Variants in FSTL5 observed in about 807,000 individuals in gnomAD.
FSTL5 encodes the protein follistatin like 5, also known as follistatin-related protein 5.
FSTL5 carries 62 observed loss-of-function variants against 89.1 expected under a neutral mutation model. The observed-to-expected ratio is 0.70, with a 90% confidence interval of 0.57 to 0.86. The LOEUF (loss-of-function observed/expected upper bound fraction) is 0.86, where lower values mean the gene tolerates loss of function less well. Among genes scored for constraint, FSTL5 ranks in the 40% least tolerant of loss-of-function variants. FSTL5 has a pLI of 0.00. For synonymous variants in FSTL5, 383 were observed against 346.2 expected, an observed-to-expected ratio of 1.11 and a Z score of -1.18; for missense variants, 1,057 against 1,001.6, an observed-to-expected ratio of 1.06 and a Z score of -0.75.
chr4:161,905,460 G>A (rs1733495523), intron 4 of FSTL5, among the ~76,000 whole-genome samples: 1 of 152,060 alleles, frequency 6.6e-6, no homozygotes, highest in African/African-American at 2.4e-5. Flanking sequence ...CTGATGACGA[G>A]CCACTTTTTA....
intron 2 of FSTL5, among the ~76,000 whole-genome samples, chr4:162,061,314 T>C (rs1011067871): frequency 6.6e-6 from 1 of 152,162 alleles, no homozygotes; most frequent in Non-Finnish European, 1.5e-5. Context: ...AAGGGAATGC[T>C]GAATCTAAAG....
At chr4:161,707,084 A>G (rs935381672) in intron 6 of FSTL5, among the ~76,000 whole-genome samples, 1 of 151,970 alleles carries the variant, frequency 6.6e-6, no homozygotes, top group Non-Finnish European at 1.5e-5. Context: ...TATTTCAGAA[A>G]AAAATCTAAA....
At chr4:161,646,094 AT>A (rs1186616201) in intron 7 of FSTL5, among the ~76,000 whole-genome samples, 2 of 149,812 alleles carry the variant, frequency 1.3e-5, no homozygotes, top group Non-Finnish European at 3.0e-5. Flanking sequence ...TATCAATGAT[AT>A]ACAATTTGGG....
Position 161,510,404 on chromosome 4 carries a change from C to T in FSTL5, c.1333G>A (p.Glu445Lys). Residue 445 changes from glutamate (E) to lysine (K), a missense_variant, in exon 11 of 16, where the codon GAA becomes AAA. Physicochemically the swap from Glu to Lys is moderately conservative, Grantham distance 56. Coordinates refer to ENST00000306100, the MANE Select transcript of FSTL5 (RefSeq NM_020116.5). ...RKTLANILWR[E>K]EGLGIGNMFY... ...AAATAATTCAACTTAGTACCTTCTTCTCTCCATAATATGTTAGCTACTGCA... is the reference window on the plus strand; with the variant it reads ...AAATAATTCAACTTAGTACCTTCTTTTCTCCATAATATGTTAGCTACTGCA... 1 of 1,534,708 alleles carries T rather than the reference C, an allele frequency of 6.5e-7. No homozygotes were observed. Among genetic ancestry groups the T allele is most frequent in the South Asian group, 1.3e-5 (1 of 79,384 alleles).
chr4:161,520,122 C>T (rs939245386), intron 10 of FSTL5, among the ~76,000 whole-genome samples: 12 of 151,904 alleles, frequency 7.9e-5, no homozygotes, highest in Admixed American at 7.2e-4. Context: ...TTGCAGAGAA[C>T]AGAATCATTA....
At chr4:161,678,201 C>T (rs183225669) in intron 6 of FSTL5, among the ~76,000 whole-genome samples, 138 of 151,768 alleles carry the variant, frequency 9.1e-4, no homozygotes, top group Non-Finnish European at 1.8e-3. Context: ...TGTACAAACA[C>T]ATATGTGTGT....
intron 4 of FSTL5, among the ~76,000 whole-genome samples, chr4:161,781,322 A>G (rs1560842053): frequency 1.4e-5 from 2 of 145,312 alleles, no homozygotes. Flanking sequence ...AGGTAGCCTG[A>G]ACATAATTAA....
intron 8 of FSTL5, among the ~76,000 whole-genome samples, chr4:161,553,675 CT>C (rs1732290939): frequency 6.6e-6 from 1 of 151,190 alleles, no homozygotes; most frequent in African/African-American, 2.4e-5. Flanking sequence ...ATAAAAGTGT[CT>C]ACTGGAATTT....
chr4:161,536,672 C>A (rs1731629314), intron 10 of FSTL5, among the ~76,000 whole-genome samples: 1 of 152,000 alleles, frequency 6.6e-6, no homozygotes, highest in Admixed American at 6.6e-5. Context: ...CCTGTTAAAC[C>A]TTCTCCTAAA....
At chr4:162,097,608 A>C (rs1730816470) in intron 2 of FSTL5, among the ~76,000 whole-genome samples, 5 of 151,894 alleles carry the variant, frequency 3.3e-5, no homozygotes, top group Admixed American at 3.3e-4. Context: ...AATGTAAAGC[A>C]CTTCAACAAC....
At chr4:161,735,712 TA>T (rs1739788354) in intron 6 of FSTL5, among the ~76,000 whole-genome samples, 2 of 152,168 alleles carry the variant, frequency 1.3e-5, no homozygotes, top group African/African-American at 2.4e-5. Flanking sequence ...AATTTGAGGA[TA>T]TTTTTAAACT....
At chr4:161,928,805 G>C (rs926622499) in intron 3 of FSTL5, among the ~76,000 whole-genome samples, 1 of 151,598 alleles carries the variant, frequency 6.6e-6, no homozygotes, top group African/African-American at 2.4e-5. Context: ...GTCTGTTATC[G>C]GATGTGTCTT....
intron 4 of FSTL5, among the ~76,000 whole-genome samples, chr4:161,787,753 T>A (rs1741955773): frequency 6.6e-6 from 1 of 152,202 alleles, no homozygotes; most frequent in Non-Finnish European, 1.5e-5. Context: ...TCTGTGGTTA[T>A]GTTAATAACA....
At chr4:161,680,419 C>T (rs1467035290) in intron 6 of FSTL5, among the ~76,000 whole-genome samples, 1 of 151,858 alleles carries the variant, frequency 6.6e-6, no homozygotes, top group Non-Finnish European at 1.5e-5. Flanking sequence ...GCTTTAGTTT[C>T]ACTAACGTTA....
intron 7 of FSTL5, 149 bp downstream of exon 7, chr4:161,656,179 C>T: frequency 2.3e-6 from 1 of 431,732 alleles, no homozygotes; most frequent in Non-Finnish European, 4.0e-6. Flanking sequence ...TATAGTGCAC[C>T]TCTCATTCCG....
intron 3 of FSTL5, among the ~76,000 whole-genome samples, chr4:161,992,755 A>G (rs1244581055): frequency 1.3e-5 from 2 of 149,504 alleles, no homozygotes; most frequent in Non-Finnish European, 3.0e-5. Flanking sequence ...GAGGCATGAG[A>G]ATCGCTTGAA....
chr4:161,964,449 A>T (rs1345081685), intron 3 of FSTL5, among the ~76,000 whole-genome samples: 1 of 152,088 alleles, frequency 6.6e-6, no homozygotes, highest in Non-Finnish European at 1.5e-5. Context: ...TAGTGCAATG[A>T]GGCTACATTA....
In FSTL5 at chr4:161,601,329, G is replaced by GAAAAAA. The variant is rs35261391; in HGVS notation, c.895-13760_895-13755dup. Among the ~76,000 whole-genome samples, 29 of 107,542 alleles carry GAAAAAA rather than the reference G, an allele frequency of 2.7e-4. 11 individuals are homozygous for GAAAAAA. The highest frequency in any genetic ancestry group is 1.8e-4 in the Non-Finnish European group (10 of 54,440). 70.6% of individuals were successfully genotyped at this position (107,542 alleles called of 152,430 possible). On this transcript the variant is annotated intron_variant, in intron 7 of 15. Transcript: ENST00000306100. ...AGTGACACAAAGTCTTAAATAGTTG[G>GAAAAAA]AAAAAAAAAAAAAAAAAAAAAGGCA...
intron 6 of FSTL5, among the ~76,000 whole-genome samples, chr4:161,713,490 G>A (rs998315434): frequency 3.3e-5 from 5 of 152,046 alleles, no homozygotes; most frequent in East Asian, 1.9e-4. Context: ...TTTCTAAGAC[G>A]GTAATGTTGT....
Sources: gnomAD v4.1 joint callset for allele counts (sites outside exome capture counted in the v4.1 genomes callset) on GRCh38, gnomAD v4.1.1 for gene constraint, MANE v1.5 for transcripts, NCBI Gene and HGNC (gene_info 2026-07-23, HGNC 2026-07-21) for gene names.